Variants in FRMD3 observed in about 807,000 individuals in gnomAD.
FRMD3 encodes FERM domain-containing protein 3.
A neutral mutation model predicts 70.2 loss-of-function variants in FRMD3; 33 were observed. The ratio of observed to expected loss-of-function variants is 0.47; its 90% CI spans 0.36 to 0.63. The LOEUF is 0.63. FRMD3 is among the 20% of genes least tolerant of loss of function. The probability of loss-of-function intolerance (pLI) is 0.00; values close to 1 mark genes in which losing one functional copy is unlikely to be tolerated. For synonymous variants in FRMD3, 279 were observed against 255.9 expected, an observed-to-expected ratio of 1.09 and a Z score of -0.86; for missense variants, 632 against 711.4, an observed-to-expected ratio of 0.89 and a Z score of 1.27.
chr9:83,461,196 G>A (rs750295814), intron 1 of FRMD3, among the ~76,000 whole-genome samples: 19 of 152,316 alleles, frequency 1.2e-4, no homozygotes, highest in African/African-American at 2.9e-4. Context: ...GTCCTTAGAC[G>A]TGGAAGAAGG....
At chr9:83,321,907 G>T (rs1835816996) in intron 6 of FRMD3, among the ~76,000 whole-genome samples, 1 of 152,274 alleles carries the variant, frequency 6.6e-6, no homozygotes, top group African/African-American at 2.4e-5. Flanking sequence ...TTGAGTGTCA[G>T]TTCACTTGAG....
chr9:83,464,933 T>C (rs1828080105), intron 1 of FRMD3, among the ~76,000 whole-genome samples: 1 of 151,808 alleles, frequency 6.6e-6, no homozygotes, highest in Admixed American at 6.6e-5. Context: ...GGCAGGAGAA[T>C]TGTTTGAACC....
At chr9:83,341,606 C>T (rs1823760468) in intron 5 of FRMD3, among the ~76,000 whole-genome samples, 3 of 152,100 alleles carry the variant, frequency 2.0e-5, no homozygotes, top group Admixed American at 1.3e-4. Context: ...AGTCCTTTCA[C>T]TCCAAGGTAA....
In FRMD3 at chr9:83,314,074, C is replaced by G. The variant is rs569804351; in HGVS notation, c.597-327G>C. 2.0e-5 allele frequency among the ~76,000 whole-genome samples: 3 copies of G among 152,286 alleles called. No homozygotes were observed. In the South Asian group the frequency reaches 6.2e-4, roughly 32 times the overall value. ...CTTAATACGAAATAAAACTAATCAT[C>G]TGTTCTTTCTGCTAATTTAAAAACA... On this transcript the variant is annotated intron_variant, in intron 6 of 13. Transcript: ENST00000304195.
the FRMD3 span, among the ~76,000 whole-genome samples, chr9:83,565,461 G>A: frequency 6.6e-6 from 1 of 152,316 alleles, no homozygotes; most frequent in South Asian, 2.1e-4. Flanking sequence ...CAATTTCAAG[G>A]GTGGGGCATC....
intron 5 of FRMD3, among the ~76,000 whole-genome samples, chr9:83,338,881 G>A (rs1204780415): frequency 2.0e-5 from 3 of 152,202 alleles, no homozygotes; most frequent in South Asian, 2.1e-4. Flanking sequence ...AGAAATACAC[G>A]TAACATGTCC....
intron 5 of FRMD3, among the ~76,000 whole-genome samples, chr9:83,342,687 A>AT (rs1350061164): frequency 1.4e-5 from 2 of 138,790 alleles, no homozygotes; most frequent in African/African-American, 5.3e-5. Context: ...GGATGGATGG[A>AT]TAGATTAGAT....
chr9:83,485,507 A>G (rs1419942040), intron 1 of FRMD3, among the ~76,000 whole-genome samples: 1 of 152,224 alleles, frequency 6.6e-6, no homozygotes, highest in African/African-American at 2.4e-5. Context: ...TGGTCATTAA[A>G]TTCTGAACAA....
At chr9:83,565,902 G>C in the FRMD3 span, among the ~76,000 whole-genome samples, 3 of 152,216 alleles carry the variant, frequency 2.0e-5, no homozygotes, top group African/African-American at 7.2e-5. Flanking sequence ...TTAACACTTA[G>C]AGCTGGCTCT....
intron 1 of FRMD3, among the ~76,000 whole-genome samples, chr9:83,478,403 C>A (rs181269241): frequency 6.6e-6 from 1 of 152,234 alleles, no homozygotes; most frequent in Admixed American, 6.5e-5. Context: ...TAAAATGATG[C>A]TCGACATCAC....
At position 83,245,334 on chromosome 9, in the gene FRMD3, A is replaced by ACTAT. The variant is rs1209960353; in HGVS notation, c.*2580_*2583dup. On this transcript the variant is annotated 3_prime_UTR_variant, in exon 14 of 14. Coordinates refer to ENST00000304195, the MANE Select transcript of FRMD3 (RefSeq NM_174938.6). ...CCTCATTCGATTCAGGCAACTGGTG[A>ACTAT]CTATCTTCTAACAAAACTTAAATGG... The ACTAT allele has an allele frequency of 4.1e-6, 4 of 985,280 alleles. No homozygotes were observed. In the African/African-American group the frequency reaches 5.2e-5, roughly 13 times the overall value. The allele number at this position is 985,280 out of a possible 1,614,324, so 61.0% of individuals were successfully genotyped here.
chr9:83,406,504 T>C (rs1826108333), intron 1 of FRMD3, among the ~76,000 whole-genome samples: 1 of 152,180 alleles, frequency 6.6e-6, no homozygotes, highest in Non-Finnish European at 1.5e-5. Context: ...TGGAGGAAAG[T>C]TCCCACAGGT....
At chr9:83,481,677 T>A (rs1168389683) in intron 1 of FRMD3, among the ~76,000 whole-genome samples, 1 of 152,164 alleles carries the variant, frequency 6.6e-6, no homozygotes, top group Non-Finnish European at 1.5e-5. Flanking sequence ...TCCAGGGTAT[T>A]CAATTTAAGA....
the FRMD3 span, among the ~76,000 whole-genome samples, chr9:83,545,571 A>G: frequency 6.6e-6 from 1 of 151,852 alleles, no homozygotes; most frequent in Non-Finnish European, 1.5e-5. Flanking sequence ...GTTAGCCAGG[A>G]TGGTCTTGAT....
chr9:83,547,530 T>C, the FRMD3 span, among the ~76,000 whole-genome samples: 1 of 151,898 alleles, frequency 6.6e-6, no homozygotes, highest in Non-Finnish European at 1.5e-5. Context: ...ATTCTCAGAT[T>C]CATAAAAACA....
intron 10 of FRMD3, among the ~76,000 whole-genome samples, chr9:83,301,353 C>T (rs974690100): frequency 4.6e-5 from 7 of 152,184 alleles, no homozygotes; most frequent in Admixed American, 3.9e-4. Flanking sequence ...CTACTGGAGC[C>T]TGAGAAAAGG....
At chr9:83,492,219 C>A (rs1587469979) in intron 1 of FRMD3, among the ~76,000 whole-genome samples, 2 of 152,172 alleles carry the variant, frequency 1.3e-5, no homozygotes, top group Non-Finnish European at 2.9e-5. Flanking sequence ...CCACTAGAAC[C>A]TAAAACTGAT....
intron 3 of FRMD3, among the ~76,000 whole-genome samples, chr9:83,356,907 C>T (rs558974226): frequency 1.8e-4 from 28 of 151,654 alleles, no homozygotes; most frequent in Admixed American, 5.9e-4. Context: ...CCCTTTGTCC[C>T]GAGTCCCCAA....
At chr9:83,333,387 C>T (rs62563600) in intron 6 of FRMD3, among the ~76,000 whole-genome samples, 33,971 of 152,122 alleles carry the variant, frequency 0.22, 4,296 homozygotes, top group Admixed American at 0.3. Context: ...TTATAAAGTG[C>T]GAGTGACTGA....
Sources: gnomAD v4.1 joint callset for allele counts (sites outside exome capture counted in the v4.1 genomes callset) on GRCh38, gnomAD v4.1.1 for gene constraint, MANE v1.5 for transcripts, NCBI Gene and HGNC (gene_info 2026-07-23, HGNC 2026-07-21) for gene names.